TENM3: variants seen among roughly 807,000 people sequenced by gnomAD.
The protein encoded by TENM3 is teneurin-3.
A neutral mutation model predicts 255.1 loss-of-function variants in TENM3; 63 were observed. The ratio of observed to expected loss-of-function variants is 0.25; its 90% CI spans 0.20 to 0.30. The LOEUF is 0.30. Among genes scored for constraint, TENM3 ranks in the 10% least tolerant of loss-of-function variants. The probability of loss-of-function intolerance (pLI) is 1.00; values close to 1 mark genes in which losing one functional copy is unlikely to be tolerated. For missense variants in TENM3, 2,929 were observed against 3,461.1 expected, an observed-to-expected ratio of 0.85 and a Z score of 3.86; for synonymous variants, 1,306 against 1,322.3, an observed-to-expected ratio of 0.99 and a Z score of 0.27.
chr4:182,611,395 A>G (rs1748989322), intron 4 of TENM3, among the ~76,000 whole-genome samples: 1 of 151,340 alleles, frequency 6.6e-6, no homozygotes, highest in African/African-American at 2.4e-5. Context: ...ATTATTAAAT[A>G]TATATTTATA....
intron 1 of TENM3, among the ~76,000 whole-genome samples, chr4:182,153,054 A>C (rs1213514813): frequency 1.3e-5 from 2 of 151,868 alleles, no homozygotes; most frequent in African/African-American, 4.8e-5. Flanking sequence ...TTTATCTTTT[A>C]TATGTTTCAG....
the TENM3 span, among the ~76,000 whole-genome samples, chr4:181,614,444 C>T: frequency 1.2e-4 from 19 of 152,316 alleles, no homozygotes; most frequent in East Asian, 3.3e-3. Context: ...GATTCCTGGG[C>T]TCTACCTCCA....
chr4:182,588,795 G>A (rs867748828), intron 3 of TENM3, among the ~76,000 whole-genome samples: 4 of 152,252 alleles, frequency 2.6e-5, no homozygotes, highest in Middle Eastern at 6.8e-3. Flanking sequence ...TGTGTCTGAG[G>A]CATTATGGTT....
intron 1 of TENM3, among the ~76,000 whole-genome samples, chr4:182,310,865 C>T (rs1179590643): frequency 6.6e-6 from 1 of 152,112 alleles, no homozygotes; most frequent in Non-Finnish European, 1.5e-5. Flanking sequence ...TGTCACCAGG[C>T]CCAACTAATG....
At chr4:182,575,963 AATTTAGGTTGT>A (rs1327544410) in intron 3 of TENM3, among the ~76,000 whole-genome samples, 1 of 152,174 alleles carries the variant, frequency 6.6e-6, no homozygotes, top group African/African-American at 2.4e-5. Flanking sequence ...CCTCTGGAAG[AATTTAGGTTGT>A]ATTCAGTTAT....
At chr4:182,516,268 A>C (rs750978541) in intron 3 of TENM3, among the ~76,000 whole-genome samples, 1 of 152,246 alleles carries the variant, frequency 6.6e-6, no homozygotes, top group Non-Finnish European at 1.5e-5. Flanking sequence ...CTGTACTTCT[A>C]TCTCACAGGC....
At chr4:182,239,689 G>A (rs1757117530), upstream of TENM3, among the ~76,000 whole-genome samples, 1 of 152,174 alleles carries the variant, frequency 6.6e-6, no homozygotes, top group Non-Finnish European at 1.5e-5. Flanking sequence ...CGGAGACAGG[G>A]TAGGGAGAAA....
the TENM3 span, among the ~76,000 whole-genome samples, chr4:181,462,760 T>G: frequency 6.6e-6 from 1 of 152,202 alleles, no homozygotes; most frequent in East Asian, 1.9e-4. Flanking sequence ...CTGAGTCAAG[T>G]TCCCACTCTG....
chr4:182,680,219 C>T (rs1303112223), intron 8 of TENM3, 29 bp from the exon 9 acceptor site: 2 of 1,496,492 alleles, frequency 1.3e-6, no homozygotes, highest in Non-Finnish European at 1.9e-6. Flanking sequence ...GGCTATACAA[C>T]AAGTGTTCCT....
chr4:181,450,434 T>A, the TENM3 span, among the ~76,000 whole-genome samples: 1 of 152,194 alleles, frequency 6.6e-6, no homozygotes, highest in Admixed American at 6.5e-5. Context: ...CACAATCGTT[T>A]TCTTCCTAGG....
chr4:182,277,965 C>T (rs1013751463), intron 1 of TENM3, among the ~76,000 whole-genome samples: 1 of 152,196 alleles, frequency 6.6e-6, no homozygotes, highest in Admixed American at 6.5e-5. Context: ...CCGCCCTCAA[C>T]CCTGTTACAG....
chr4:182,278,507 T>C (rs184947839), intron 1 of TENM3, among the ~76,000 whole-genome samples: 1 of 152,230 alleles, frequency 6.6e-6, no homozygotes, highest in Non-Finnish European at 1.5e-5. Flanking sequence ...GAGTGCATGG[T>C]CCATAATAAA....
intron 3 of TENM3, among the ~76,000 whole-genome samples, chr4:182,394,541 G>A (rs751411972): frequency 7.2e-5 from 11 of 152,270 alleles, no homozygotes; most frequent in Non-Finnish European, 1.5e-4. Flanking sequence ...CTGCATTTGA[G>A]AGCAGTATAA....
At chr4:182,708,405 G>A (rs1278341355) in intron 12 of TENM3, among the ~76,000 whole-genome samples, 1 of 152,118 alleles carries the variant, frequency 6.6e-6, no homozygotes, top group African/African-American at 2.4e-5. Flanking sequence ...TACAGAGCCA[G>A]GGCTCATGGA....
intron 5 of TENM3, among the ~76,000 whole-genome samples, chr4:182,633,124 A>T (rs1751536505): frequency 6.6e-6 from 1 of 151,780 alleles, no homozygotes. Flanking sequence ...TAGAGACAAG[A>T]TCTCCCTATG....
chr4:182,431,270 C>T (rs1001318480), intron 3 of TENM3, among the ~76,000 whole-genome samples: 2 of 151,644 alleles, frequency 1.3e-5, no homozygotes, highest in African/African-American at 2.4e-5. Context: ...CCGAGACAGG[C>T]GGATTATGAG....
chr4:182,546,834 A>G (rs1229470600), intron 3 of TENM3, among the ~76,000 whole-genome samples: 2 of 152,150 alleles, frequency 1.3e-5, no homozygotes, highest in African/African-American at 2.4e-5. Flanking sequence ...AAAAGGTTCT[A>G]TATATGCCTT....
At chr4:181,859,147 G>T in the TENM3 span, among the ~76,000 whole-genome samples, 1 of 148,132 alleles carries the variant, frequency 6.8e-6, no homozygotes, top group African/African-American at 2.5e-5. Context: ...GGAGACTGAG[G>T]CAGGAGAATC....
At chr4:182,762,363 G>A (rs1173149511) in intron 22 of TENM3, among the ~76,000 whole-genome samples, 1 of 152,128 alleles carries the variant, frequency 6.6e-6, no homozygotes, top group Non-Finnish European at 1.5e-5. Flanking sequence ...ATATCTGTGT[G>A]CATCATCAGC....
Sources: allele counts gnomAD v4.1 joint callset (sites outside exome capture counted in the v4.1 genomes callset), GRCh38; gene constraint gnomAD v4.1.1; transcripts MANE v1.5; gene names NCBI Gene and HGNC (gene_info 2026-07-23, HGNC 2026-07-21).